Variants in ADAM17 observed in about 807,000 individuals in gnomAD.
ADAM17 encodes ADAM metallopeptidase domain 17, also known as disintegrin and metalloproteinase domain-containing protein 17.
Under a neutral mutation model 96.7 loss-of-function variants are expected in ADAM17, and 39 were observed. The ratio of observed to expected loss-of-function variants is 0.40; its 90% confidence interval spans 0.31 to 0.53. The LOEUF (loss-of-function observed/expected upper bound fraction) is 0.53. Ranked by LOEUF, ADAM17 falls within the 20% of genes least tolerant of loss-of-function variation. The pLI is 0.44. For missense variants in ADAM17, 777 were observed against 1,013.2 expected (o/e 0.77, Z 3.17); for synonymous variants, 344 against 359.2 (o/e 0.96, Z 0.48).
At chr2:9,496,438 A>G (rs916903193) in intron 14 of ADAM17, 1 of 151,680 alleles carries the variant, frequency 6.6e-6, no homozygotes, top group African/African-American at 2.5e-5. Context: ...CTCTCTGTCT[A>G]TTTTGAAAGC....
chr2:9,544,902 C>T (rs1222602368), intron 1 of ADAM17, among the ~76,000 whole-genome samples: 2 of 152,142 alleles, frequency 1.3e-5, no homozygotes, highest in East Asian at 3.9e-4. Flanking sequence ...TCAGCAAAAA[C>T]CTTGCACATA....
rs1553363909 is a variant in ADAM17, at chr2:9,521,840, TCTGC to T, written c.844-528_844-525del. On this transcript the variant is annotated intron_variant, in intron 7 of 18. Transcript: ENST00000310823. Reference sequence around the variant, plus strand: ...TCAGCTCAGAGTTTCTGTGAGTCTCTCTGCCTGCCTGCCTGCCTGCCTGCCTGCA... The same window carrying T: ...TCAGCTCAGAGTTTCTGTGAGTCTCTCTGCCTGCCTGCCTGCCTGCCTGCA... 9.0e-4 allele frequency: 129 copies of T among 143,406 alleles called. 1 individual carries two copies. Among genetic ancestry groups the T allele is most frequent in the East Asian group, 5.4e-3 (28 of 5,174 alleles). 8.9% of individuals were successfully genotyped at this position (143,406 alleles called of 1,614,324 possible).
chr2:9,544,289 C>G (rs1181877363), intron 1 of ADAM17, among the ~76,000 whole-genome samples: 2 of 152,206 alleles, frequency 1.3e-5, no homozygotes, highest in Non-Finnish European at 2.9e-5. Context: ...CCTGTAATCC[C>G]AGCACTTTGG....
intron 13 of ADAM17, among the ~76,000 whole-genome samples, chr2:9,499,765 G>A (rs572874550): frequency 6.0e-4 from 91 of 152,058 alleles, no homozygotes; most frequent in Non-Finnish European, 1.2e-3. Context: ...TAAAAACATG[G>A]GCAACATGTC....
intron 1 of ADAM17, among the ~76,000 whole-genome samples, chr2:9,544,282 G>C (rs776924127): frequency 1.4e-4 from 22 of 152,306 alleles, no homozygotes; most frequent in Admixed American, 6.5e-4. Context: ...GCTCACACCT[G>C]TAATCCCAGC....
At position 9,535,852 on chromosome 2, in the gene ADAM17, C is replaced by T; in HGVS notation, c.432G>A (p.Gly144=). ...DDVIIRINTD[G]AEYNIEPLWR... is the part of the protein sequence containing the mutation. Reference sequence around the variant, plus strand: ...AATTTACCTCTATGTTATATTCGGCCCCATCTGTGTTGATTCTGATTATAA... The same window carrying T: ...AATTTACCTCTATGTTATATTCGGCTCCATCTGTGTTGATTCTGATTATAA... The change falls in exon 4 of 19, where the codon GGG becomes GGA. Residue 144 remains glycine (G), a synonymous_variant. Coordinates refer to ENST00000310823, the MANE Select transcript of ADAM17 (RefSeq NM_003183.6). 6.3e-7 allele frequency: 1 copy of T among 1,598,678 alleles called. No homozygotes were observed. The highest frequency in any genetic ancestry group is 1.3e-5 in the African/African-American group (1 of 74,350).
chr2:9,553,684 A>T (rs1273195920), intron 1 of ADAM17, among the ~76,000 whole-genome samples: 9 of 151,234 alleles, frequency 6.0e-5, no homozygotes. Flanking sequence ...TCAAAAAAAA[A>T]AAAAAAGAAA....
At chr2:9,495,476 G>A (rs907859690) in intron 14 of ADAM17, among the ~76,000 whole-genome samples, 9 of 152,190 alleles carry the variant, frequency 5.9e-5, no homozygotes, top group African/African-American at 2.2e-4. Flanking sequence ...ACTTTGGGAG[G>A]CCAAGGCGGA....
chr2:9,549,329 C>T (rs1386189969), intron 1 of ADAM17, among the ~76,000 whole-genome samples: 5 of 152,156 alleles, frequency 3.3e-5, no homozygotes, highest in Non-Finnish European at 5.9e-5. Flanking sequence ...GAGCTGAGAT[C>T]ACGCCACTGC....
At chr2:9,509,848 A>G (rs1426800564) in intron 11 of ADAM17, 131 bp downstream of exon 11, 1 of 1,183,648 alleles carries the variant, frequency 8.4e-7, no homozygotes, top group African/African-American at 1.5e-5. Flanking sequence ...CCACGTTTCA[A>G]GGTACTTTGT....
chr2:9,542,106 T>C (rs6749410), intron 2 of ADAM17, among the ~76,000 whole-genome samples: 78 of 152,206 alleles, frequency 5.1e-4, no homozygotes, highest in African/African-American at 1.8e-3. Context: ...TGAATAAAGC[T>C]TCCTAAAGAC....
At chr2:9,522,239 G>A (rs1436244779) in intron 7 of ADAM17, 3 of 392,996 alleles carry the variant, frequency 7.6e-6, no homozygotes, top group Non-Finnish European at 1.4e-5. Flanking sequence ...AGGTGTAAAA[G>A]TGTACTGCAT....
intron 1 of ADAM17, among the ~76,000 whole-genome samples, chr2:9,549,222 T>A (rs1371506328): frequency 6.6e-6 from 1 of 151,918 alleles, no homozygotes; most frequent in African/African-American, 2.4e-5. Flanking sequence ...AATACAAAAA[T>A]TAGCCAGGCG....
intron 1 of ADAM17, among the ~76,000 whole-genome samples, chr2:9,545,801 T>C (rs1027990653): frequency 6.6e-6 from 1 of 152,010 alleles, no homozygotes; most frequent in Non-Finnish European, 1.5e-5. Context: ...AAAAGGTTTT[T>C]AAGAACATGG....
At chr2:9,540,425 T>C (rs1262004963) in intron 2 of ADAM17, among the ~76,000 whole-genome samples, 4 of 152,092 alleles carry the variant, frequency 2.6e-5, no homozygotes, top group Admixed American at 2.0e-4. Context: ...GAATCACTTT[T>C]AGAGATAACT....
At chr2:9,536,345 A>G (rs1179392401) in intron 3 of ADAM17, among the ~76,000 whole-genome samples, 1 of 152,198 alleles carries the variant, frequency 6.6e-6, no homozygotes, top group African/African-American at 2.4e-5. Context: ...ATTTTCTCAA[A>G]TACATACGTA....
At chr2:9,499,194 T>C (rs1662842715) in intron 13 of ADAM17, among the ~76,000 whole-genome samples, 1 of 151,562 alleles carries the variant, frequency 6.6e-6, no homozygotes, top group African/African-American at 2.4e-5. Flanking sequence ...GAACTTATCC[T>C]CTGCTATCTA....
chr2:9,510,300 C>A (rs1207458261), intron 10 of ADAM17, among the ~76,000 whole-genome samples, 169 bp from the exon 11 acceptor site: 2 of 152,180 alleles, frequency 1.3e-5, no homozygotes, highest in African/African-American at 4.8e-5. Context: ...GGGAGGATTA[C>A]TTTACTCTAG....
chr2:9,507,803 T>C (rs1473357241), intron 11 of ADAM17, among the ~76,000 whole-genome samples: 1 of 152,140 alleles, frequency 6.6e-6, no homozygotes. Context: ...CACTGCCGCC[T>C]TGAACTCCCC....
Sources: allele counts gnomAD v4.1 joint callset (sites outside exome capture counted in the v4.1 genomes callset), GRCh38; gene constraint gnomAD v4.1.1; transcripts MANE v1.5; gene names NCBI Gene and HGNC (gene_info 2026-07-23, HGNC 2026-07-21).